Variants in RMP64 observed in about 807,000 individuals in gnomAD.
The protein encoded by RMP64 is ribonuclease MRP subunit p64.
chr3:113,011,561 T>C, the RMP64 span: 7 of 537,202 alleles, frequency 1.3e-5, no homozygotes, highest in South Asian at 3.1e-4. Context: ...ACAGCCAGAT[T>C]AGTCCAACCC....
At chr3:113,017,392 G>C in the RMP64 span, 3 of 1,426,304 alleles carry the variant, frequency 2.1e-6, no homozygotes, top group South Asian at 1.3e-5. Context: ...GTAAGTGGCA[G>C]TGTGATCTAC....
At chr3:113,014,373 T>TTC in the RMP64 span, 1 of 190,932 alleles carries the variant, frequency 5.2e-6, no homozygotes, top group Non-Finnish European at 1.1e-5. Flanking sequence ...TTTTTTTTTT[T>TTC]CAGATGGAGT....
At chr3:113,013,449 GGGTTTTTTTTTT>G in the RMP64 span, 6 of 1,386,318 alleles carry the variant, frequency 4.3e-6, no homozygotes, top group African/African-American at 7.0e-5. Flanking sequence ...TAAAAAAAAA[GGGTTTTTTTTTT>G]GTTTTTTTTT....
the RMP64 span, chr3:113,003,537 CAT>C: frequency 4.6e-5 from 7 of 152,082 alleles, no homozygotes; most frequent in African/African-American, 1.2e-4. Flanking sequence ...TTTGTGGACA[CAT>C]GTGAAGCTTT....
At chr3:113,015,317 C>T in the RMP64 span, among the ~76,000 whole-genome samples, 1 of 152,080 alleles carries the variant, frequency 6.6e-6, no homozygotes, top group Non-Finnish European at 1.5e-5. Flanking sequence ...AATACATTGC[C>T]CTTGTGGAGC....
chr3:113,009,003 A>C, the RMP64 span, among the ~76,000 whole-genome samples: 2 of 152,164 alleles, frequency 1.3e-5, no homozygotes, highest in Non-Finnish European at 2.9e-5. Flanking sequence ...ATCCTGGGCA[A>C]ACCTCCTCAA....
the RMP64 span, chr3:113,004,136 C>T: frequency 3.3e-5 from 5 of 152,156 alleles, no homozygotes; most frequent in Non-Finnish European, 5.9e-5. Context: ...ATGGATACTA[C>T]CACTTGGTAG....
At chr3:113,019,558 G>A in the RMP64 span, 1 of 1,613,492 alleles carries the variant, frequency 6.2e-7, no homozygotes, top group Non-Finnish European at 8.5e-7. Flanking sequence ...CCGCGCCGGG[G>A]TTCTGCACTG....
chr3:113,012,143 T>A, the RMP64 span, among the ~76,000 whole-genome samples: 1 of 152,200 alleles, frequency 6.6e-6, no homozygotes, highest in Non-Finnish European at 1.5e-5. Flanking sequence ...GAAAGAGATG[T>A]CTCTTTAGTT....
At chr3:113,011,397 A>G in the RMP64 span, 2 of 1,572,662 alleles carry the variant, frequency 1.3e-6, no homozygotes, top group South Asian at 2.4e-5. Flanking sequence ...AGACACCTTT[A>G]TAGAGAACCC....
the RMP64 span, among the ~76,000 whole-genome samples, chr3:113,010,248 T>C: frequency 6.6e-6 from 1 of 152,124 alleles, no homozygotes; most frequent in Non-Finnish European, 1.5e-5. Context: ...GAGGCACATA[T>C]TACTATTACA....
chr3:113,013,275 A>G, the RMP64 span: 12 of 1,612,870 alleles, frequency 7.4e-6, no homozygotes, highest in Middle Eastern at 4.9e-4. Flanking sequence ...AGGATACAGA[A>G]AAGTTTTGCA....
chr3:113,010,777 T>A, the RMP64 span: 1 of 1,266,358 alleles, frequency 7.9e-7, no homozygotes, highest in Non-Finnish European at 1.1e-6. Context: ...AATTCTTAAG[T>A]GCATGACATT....
At chr3:113,014,183 T>A in the RMP64 span, 3 of 572,658 alleles carry the variant, frequency 5.2e-6, no homozygotes, top group Non-Finnish European at 9.4e-6. Flanking sequence ...GGTAGAGAAA[T>A]CCAAAGCGCA....
chr3:113,005,222 TC>T, the RMP64 span: 2 of 338,372 alleles, frequency 5.9e-6, no homozygotes, highest in Non-Finnish European at 1.1e-5. Flanking sequence ...GCCTAGTAAG[TC>T]ATAAAATTAT....
chr3:113,007,450 A>G, the RMP64 span, among the ~76,000 whole-genome samples: 2 of 152,228 alleles, frequency 1.3e-5, no homozygotes, highest in African/African-American at 4.8e-5. Flanking sequence ...GGGCATGCAC[A>G]GGATATTTGT....
the RMP64 span, chr3:113,017,631 G>A: frequency 1.3e-6 from 2 of 1,594,736 alleles, no homozygotes; most frequent in Non-Finnish European, 8.6e-7. Flanking sequence ...ATAAGATTTA[G>A]TATGTATTTC....
the RMP64 span, chr3:113,013,164 G>T: frequency 8.3e-7 from 1 of 1,205,728 alleles, no homozygotes; most frequent in Non-Finnish European, 1.2e-6. Flanking sequence ...AAGAATTCCT[G>T]TAGGTTGTAA....
the RMP64 span, chr3:113,017,491 T>G: frequency 8.1e-6 from 13 of 1,614,158 alleles, no homozygotes; most frequent in Non-Finnish European, 1.0e-5. Flanking sequence ...CATTCTGTTG[T>G]GATTGCTGTA....
Sources: allele counts gnomAD v4.1 joint callset (sites outside exome capture counted in the v4.1 genomes callset), GRCh38; gene constraint gnomAD v4.1.1; transcripts MANE v1.5; gene names NCBI Gene and HGNC (gene_info 2026-07-23, HGNC 2026-07-21).